DMD: variants seen among roughly 807,000 people sequenced by gnomAD.
DMD encodes the protein dystrophin.
Under a neutral mutation model 330.1 loss-of-function variants are expected in DMD, and 63 were observed. The observed-to-expected ratio is 0.19, with a 90% CI of 0.16 to 0.24. The LOEUF is 0.24. Ranked by LOEUF, DMD falls within the 10% of genes least tolerant of loss-of-function variation. The probability of loss-of-function intolerance (pLI) is 1.00; values close to 1 mark genes in which losing one functional copy is unlikely to be tolerated. For missense variants in DMD, 3,344 were observed against 2,684.1 expected (o/e 1.25, Z -5.43); for synonymous variants, 1,223 against 959.8 (o/e 1.27, Z -5.07).
intron 29 of DMD, among the ~76,000 whole-genome samples, chrX:32,423,984 C>T (rs1465399617): frequency 9.0e-6 from 1 of 111,180 alleles, no homozygotes; most frequent in Non-Finnish European, 1.9e-5. Context: ...CATACACATT[C>T]ATGTCTATTT....
rs757803694 is a variant in DMD at position 31,394,938 on chromosome X, T to TGAGAGA, written c.9085-46310_9085-46305dup. Among the ~76,000 whole-genome samples, 402 of 86,858 alleles carry TGAGAGA rather than the reference T, an allele frequency of 4.6e-3. 13 individuals carry two copies. The highest frequency in any genetic ancestry group is 0.015 in the African/African-American group (323 of 21,244). 75.4% of individuals were successfully genotyped at this position (86,858 alleles called of 115,157 possible). ...CATTACTATGAGAGAGAGAGAAGGG[T>TGAGAGA]GAGAGAGAGAGAGAGAGAGAGAGAC... On this transcript the variant is annotated intron_variant, in intron 60 of 78. Transcript: ENST00000357033.
chrX:32,123,000 T>A (rs765762617), intron 44 of DMD, among the ~76,000 whole-genome samples: 128 of 107,153 alleles, frequency 1.2e-3, no homozygotes, highest in African/African-American at 4.1e-3. Context: ...TACATGGAAA[T>A]TTTACTTTTG....
chrX:31,695,648 G>A (rs764288948), intron 52 of DMD, among the ~76,000 whole-genome samples: 4 of 111,041 alleles, frequency 3.6e-5, no homozygotes, highest in African/African-American at 1.3e-4. Context: ...GAGGACATTA[G>A]GTTAAGTGAA....
chrX:32,522,798 T>C (rs1159537390), intron 17 of DMD, among the ~76,000 whole-genome samples: 1 of 112,387 alleles, frequency 8.9e-6, no homozygotes, highest in East Asian at 2.8e-4. Context: ...GACTCTTCCA[T>C]AAATATTTTG....
At chrX:31,965,848 C>G (rs1434600716) in intron 45 of DMD, among the ~76,000 whole-genome samples, 1 of 112,019 alleles carries the variant, frequency 8.9e-6, no homozygotes, top group Non-Finnish European at 1.9e-5. Flanking sequence ...GCATCGCTAA[C>G]TGACTACATT....
chrX:32,966,164 TA>T, intron 2 of DMD, among the ~76,000 whole-genome samples: 1 of 111,911 alleles, frequency 8.9e-6, no homozygotes, highest in African/African-American at 3.2e-5. Context: ...CTAATTTGTA[TA>T]GGGGGTTAAG....
In DMD at chrX:32,697,850, G is replaced by A; in HGVS notation, c.960+20C>T. 1 of 1,210,125 alleles carries A rather than the reference G, an allele frequency of 8.3e-7. No homozygotes were observed. The highest frequency in any genetic ancestry group is 1.1e-6 in the Non-Finnish European group (1 of 894,590). On this transcript the variant is annotated intron_variant, in intron 9 of 78. Coordinates refer to ENST00000357033, the MANE Select transcript of DMD (RefSeq NM_004006.3). ...AAGCAGTTCTCTGGTTTGTACAACA[G>A]AGAGTAAATGTTGACAGACCTGTGA...
chrX:33,223,774 G>T (rs1402414435), intron 1 of DMD, among the ~76,000 whole-genome samples: 2 of 111,816 alleles, frequency 1.8e-5, no homozygotes, highest in African/African-American at 3.2e-5. Flanking sequence ...AAAAGACATT[G>T]TCAAAAGAAT....
chrX:31,911,938 T>C (rs1478938685), intron 47 of DMD, among the ~76,000 whole-genome samples: 2 of 111,719 alleles, frequency 1.8e-5, no homozygotes, highest in Non-Finnish European at 3.8e-5. Flanking sequence ...AGAGCGAAAA[T>C]AAAAGTATCG....
At chrX:32,323,895 A>G (rs954687722) in intron 41 of DMD, among the ~76,000 whole-genome samples, 6 of 111,831 alleles carry the variant, frequency 5.4e-5, no homozygotes, top group East Asian at 2.8e-4. Context: ...TGTCTCATCT[A>G]AAGATGAACT....
At chrX:32,033,323 G>C (rs2095901371) in intron 44 of DMD, among the ~76,000 whole-genome samples, 2 of 110,528 alleles carry the variant, frequency 1.8e-5, no homozygotes, top group Admixed American at 2.0e-4. Context: ...ATTCTACCTA[G>C]AGTCAATAAT....
chrX:31,497,511 A>G lies in DMD; in HGVS notation c.8391-567T>C, dbSNP rs148380762. On this transcript the variant is annotated intron_variant, in intron 56 of 78. Coordinates refer to ENST00000357033, the MANE Select transcript of DMD (RefSeq NM_004006.3). ...CTGGGATTTGTCTTCACCAAGTTTC[A>G]ACATTTTCTGCTTTGTTTCCTTTGT... Among the ~76,000 whole-genome samples the G allele has an allele frequency of 8.7e-3, 971 of 111,780 alleles. 8 individuals carry two copies. The highest frequency in any genetic ancestry group is 0.03 in the African/African-American group (913 of 30,700).
At position 32,701,871 on chromosome X, in the gene DMD, G is replaced by A. The variant is rs1460589452; in HGVS notation, c.650-2578C>T. On this transcript the variant is annotated intron_variant, in intron 7 of 78. Coordinates refer to ENST00000357033, the MANE Select transcript of DMD (RefSeq NM_004006.3). ...AAATTTCATTTACATAAAACATGTG[G>A]ACTAAATGCAGCTGTTCATAAATAT... Among the ~76,000 whole-genome samples the A allele has an allele frequency of 2.7e-5, 3 of 111,475 alleles. No individual in the cohort carries two copies. The East Asian group carries it at 8.4e-4, about 31-fold the overall frequency.
chrX:31,362,863 T>C (rs1018665548), intron 60 of DMD, among the ~76,000 whole-genome samples: 1 of 112,312 alleles, frequency 8.9e-6, no homozygotes, highest in Non-Finnish European at 1.9e-5. Context: ...GGCAGGAGAA[T>C]GGCGTGAACC....
intron 40 of DMD, 115 bp downstream of exon 40, chrX:32,343,019 T>A: frequency 3.8e-6 from 3 of 781,811 alleles, no homozygotes; most frequent in Non-Finnish European, 5.8e-6. Flanking sequence ...AGGAAATGCA[T>A]CAAATCAAAG....
chrX:31,206,320 T>C (rs1475280472), intron 66 of DMD, among the ~76,000 whole-genome samples: 1 of 112,495 alleles, frequency 8.9e-6, no homozygotes, highest in Admixed American at 9.4e-5. Context: ...CCTAGGAACA[T>C]GTGTTTTATT....
intron 3 of DMD, among the ~76,000 whole-genome samples, chrX:32,849,454 A>C: frequency 8.9e-6 from 1 of 112,228 alleles, no homozygotes. Context: ...TATGTATAAA[A>C]GCCTTCATTA....
intron 54 of DMD, among the ~76,000 whole-genome samples, chrX:31,653,925 G>A (rs1173347607): frequency 1.8e-5 from 2 of 111,216 alleles, no homozygotes; most frequent in Non-Finnish European, 3.8e-5. Context: ...GTACAATTTA[G>A]TTGAGAAGCA....
chrX:31,167,459 G>A (rs1300715211), intron 74 of DMD, among the ~76,000 whole-genome samples: 1 of 111,803 alleles, frequency 8.9e-6, no homozygotes. Flanking sequence ...AAACGAGGCA[G>A]GGCTCTTGAC....
Sources: allele counts gnomAD v4.1 joint callset (sites outside exome capture counted in the v4.1 genomes callset), GRCh38; gene constraint gnomAD v4.1.1; transcripts MANE v1.5; gene names NCBI Gene and HGNC (gene_info 2026-07-23, HGNC 2026-07-21).